Variants in EVA1A observed in about 807,000 individuals in gnomAD.
EVA1A encodes eva-1 homolog A, regulator of programmed cell death, also known as protein eva-1 homolog A.
Under a neutral mutation model 9.8 loss-of-function variants are expected in EVA1A, and 7 were observed. The ratio of observed to expected loss-of-function variants is 0.71; its 90% CI spans 0.41 to 1.34. The LOEUF is 1.34. Ranked by LOEUF, EVA1A falls within the 40% of genes most tolerant of loss-of-function variation. The probability of loss-of-function intolerance (pLI) is 0.01; values close to 1 mark genes in which losing one functional copy is unlikely to be tolerated. For missense variants in EVA1A, 206 were observed against 205.9 expected (o/e 1.00, Z 0.00); for synonymous variants, 90 against 85.6 (o/e 1.05, Z -0.28).
Position 75,532,416 on chromosome 2 carries a change from A to G in EVA1A, c.-191-9929T>C, listed in dbSNP as rs572467801. 1.4e-4 allele frequency among the ~76,000 whole-genome samples: 21 copies of G among 152,270 alleles called. 1 individual carries two copies. In the East Asian group the frequency reaches 3.9e-3, roughly 28 times the overall value. On this transcript the variant is annotated intron_variant, in intron 1 of 3. Transcript: ENST00000393913. Reference sequence around the variant, plus strand: ...TATGTTTATTTTTATTAACAACAATAATAAAAGCCAACGTTTATTAAGTAC... The same window carrying G: ...TATGTTTATTTTTATTAACAACAATGATAAAAGCCAACGTTTATTAAGTAC...
rs180881093 is a variant in EVA1A, at chr2:75,509,926, G to T, written c.85+8130C>A. ...AAAATAATCAAAAACCTAATGAAGTGGGGGGTGGGAAATGGTTTGAAATAT... is the reference window on the plus strand; with the variant it reads ...AAAATAATCAAAAACCTAATGAAGTTGGGGGTGGGAAATGGTTTGAAATAT... On this transcript the variant is annotated intron_variant, in intron 3 of 3. Transcript: ENST00000393913. 2.0e-5 allele frequency among the ~76,000 whole-genome samples: 3 copies of T among 152,114 alleles called. No homozygotes were observed. In the East Asian group the frequency reaches 5.8e-4, roughly 29 times the overall value.
At chr2:75,557,175 C>T (rs1312013444) in intron 1 of EVA1A, among the ~76,000 whole-genome samples, 1 of 152,190 alleles carries the variant, frequency 6.6e-6, no homozygotes, top group Non-Finnish European at 1.5e-5. Context: ...AGCCAGAGTA[C>T]ACAAATGTGC....
rs768356178 is a variant in EVA1A at position 75,493,329 on chromosome 2, C to T, written c.366G>A (p.Gln122=). 21 of 1,614,110 alleles carry T rather than the reference C, an allele frequency of 1.3e-5. No homozygotes were observed. Among genetic ancestry groups the T allele is most frequent in the Admixed American group, 1.7e-5 (1 of 60,016 alleles). Reference sequence around the variant, plus strand: ...TGATGCGCTCGCGCTCCTCCAGCCGCTGGGCGCGCTCCAGCTCCTCCGCAG... The same window carrying T: ...TGATGCGCTCGCGCTCCTCCAGCCGTTGGGCGCGCTCCAGCTCCTCCGCAG... ...FTSAEELERA[Q]RLEERERIIR... Residue 122 remains glutamine, a synonymous_variant, in exon 4 of 4, where the codon CAG becomes CAA. Coordinates refer to ENST00000393913, the MANE Select transcript of EVA1A (RefSeq NM_001135032.2).
chr2:75,531,534 T>TTATATA (rs57814618), intron 1 of EVA1A, among the ~76,000 whole-genome samples: 2 of 150,092 alleles, frequency 1.3e-5, no homozygotes, highest in African/African-American at 4.9e-5. Flanking sequence ...TAATATGTAG[T>TTATATA]TATATATATA....
At chr2:75,497,579 G>A (rs1674255985) in intron 3 of EVA1A, among the ~76,000 whole-genome samples, 1 of 152,044 alleles carries the variant, frequency 6.6e-6, no homozygotes. Flanking sequence ...GCTGGGCATG[G>A]TAGCTCACAC....
chr2:75,544,506 C>T (rs894555669), intron 1 of EVA1A, among the ~76,000 whole-genome samples: 2 of 152,040 alleles, frequency 1.3e-5, no homozygotes, highest in Admixed American at 6.6e-5. Context: ...TGGCCGATAG[C>T]GTCCATGATG....
chr2:75,567,559 C>T (rs1677049977), intron 1 of EVA1A, among the ~76,000 whole-genome samples: 1 of 152,228 alleles, frequency 6.6e-6, no homozygotes, highest in African/African-American at 2.4e-5. Context: ...CTTAATCTCC[C>T]TGAAGAGTGT....
At chr2:75,552,089 G>A (rs1258248724) in intron 1 of EVA1A, among the ~76,000 whole-genome samples, 2 of 152,074 alleles carry the variant, frequency 1.3e-5, no homozygotes, top group Non-Finnish European at 2.9e-5. Flanking sequence ...GCTGAATCAG[G>A]AGGATCACCT....
At chr2:75,512,395 G>A (rs918857723) in intron 3 of EVA1A, among the ~76,000 whole-genome samples, 1 of 152,132 alleles carries the variant, frequency 6.6e-6, no homozygotes, top group African/African-American at 2.4e-5. Context: ...TTGATTCGAG[G>A]TGGGGTAGAT....
chr2:75,565,388 T>C (rs77856301), upstream of EVA1A, among the ~76,000 whole-genome samples: 1,020 of 152,274 alleles, frequency 6.7e-3, 10 homozygotes, highest in African/African-American at 0.023. Flanking sequence ...AGTCTAGTAA[T>C]AGATGATCTT....
intron 1 of EVA1A, among the ~76,000 whole-genome samples, chr2:75,538,686 C>T (rs1417385814): frequency 2.6e-5 from 4 of 152,170 alleles, no homozygotes; most frequent in Non-Finnish European, 2.9e-5. Flanking sequence ...TGTTGATACA[C>T]AAGGCAACCT....
chr2:75,507,907 G>A (rs559765408), intron 3 of EVA1A, among the ~76,000 whole-genome samples: 1 of 152,318 alleles, frequency 6.6e-6, no homozygotes, highest in East Asian at 1.9e-4. Flanking sequence ...ACCAGCTGAA[G>A]CCATGGCAGA....
intron 1 of EVA1A, among the ~76,000 whole-genome samples, chr2:75,532,808 A>T (rs1375986597): frequency 6.6e-6 from 1 of 152,236 alleles, no homozygotes; most frequent in Non-Finnish European, 1.5e-5. Flanking sequence ...AAGCCAAAGA[A>T]ATCCATGTGA....
At chr2:75,555,584 T>G (rs114850551) in intron 1 of EVA1A, among the ~76,000 whole-genome samples, 2 of 152,252 alleles carry the variant, frequency 1.3e-5, no homozygotes, top group Non-Finnish European at 2.9e-5. Context: ...TGTCTCTCCC[T>G]GACCCGTGGG....
intron 1 of EVA1A, among the ~76,000 whole-genome samples, chr2:75,540,226 C>T (rs1319176915): frequency 6.6e-6 from 1 of 152,180 alleles, no homozygotes; most frequent in East Asian, 1.9e-4. Flanking sequence ...GGATGCAGGG[C>T]TTGTAAGATA....
intron 2 of EVA1A, among the ~76,000 whole-genome samples, chr2:75,521,087 T>G (rs924244930): frequency 6.6e-6 from 1 of 152,114 alleles, no homozygotes; most frequent in Non-Finnish European, 1.5e-5. Flanking sequence ...ATACAAGTAG[T>G]CAATAGGCAC....
At chr2:75,518,332 T>C in intron 2 of EVA1A, 124 bp from the exon 3 acceptor site, 2 of 1,080,938 alleles carry the variant, frequency 1.9e-6, no homozygotes, top group Non-Finnish European at 1.3e-6. Flanking sequence ...CTTTGGGGCT[T>C]TGGAAACTAC....
intron 3 of EVA1A, among the ~76,000 whole-genome samples, chr2:75,506,077 G>T (rs1674611236): frequency 6.6e-6 from 1 of 152,002 alleles, no homozygotes; most frequent in Admixed American, 6.6e-5. Context: ...TTGCTCCATG[G>T]TCTCCCTCCA....
chr2:75,544,241 C>T (rs1443019278), intron 1 of EVA1A, among the ~76,000 whole-genome samples: 1 of 152,218 alleles, frequency 6.6e-6, no homozygotes, highest in East Asian at 1.9e-4. Flanking sequence ...ACACTACCAT[C>T]ACCCTGGCCC....
Sources: allele counts gnomAD v4.1 joint callset (sites outside exome capture counted in the v4.1 genomes callset), GRCh38; gene constraint gnomAD v4.1.1; transcripts MANE v1.5; gene names NCBI Gene and HGNC (gene_info 2026-07-23, HGNC 2026-07-21).